LSAMP: variants seen among roughly 807,000 people sequenced by gnomAD.
LSAMP encodes the protein limbic system-associated membrane protein.
LSAMP carries 7 observed loss-of-function variants against 38.6 expected under a neutral mutation model. That is an observed-to-expected ratio of 0.18 (90% CI 0.10 to 0.34). The LOEUF is 0.34. Ranked by LOEUF, LSAMP falls within the 10% of genes least tolerant of loss-of-function variation. LSAMP has a pLI of 1.00. For missense variants in LSAMP, 313 were observed against 420.0 expected (o/e 0.75, Z 2.23); for synonymous variants, 154 against 166.8 (o/e 0.92, Z 0.59).
At chr3:116,014,481 T>A (rs974104601) in intron 3 of LSAMP, among the ~76,000 whole-genome samples, 21 of 151,998 alleles carry the variant, frequency 1.4e-4, no homozygotes, top group African/African-American at 5.1e-4. Flanking sequence ...AAATAAAAAA[T>A]AAAAATATTG....
intron 6 of LSAMP, among the ~76,000 whole-genome samples, chr3:115,820,941 G>C (rs1934209243): frequency 6.6e-6 from 1 of 152,122 alleles, no homozygotes; most frequent in Non-Finnish European, 1.5e-5. Context: ...CCAAATCCTG[G>C]CAGGTAGAAC....
chr3:116,321,327 C>T (rs1473039733), intron 1 of LSAMP, among the ~76,000 whole-genome samples: 1 of 152,070 alleles, frequency 6.6e-6, no homozygotes, highest in East Asian at 1.9e-4. Flanking sequence ...AAGTCATGAT[C>T]TTACCACTGC....
Position 116,404,006 on chromosome 3 carries a change from C to T in LSAMP, c.155+40871G>A, listed in dbSNP as rs184953667. On this transcript the variant is annotated intron_variant, in intron 1 of 6. Transcript: ENST00000490035. ...CTCAAACTCCTTACCTCAAGCAATC[C>T]TCCAGCCTTGGCCTCCCAAAGTCAG... 8.5e-5 allele frequency among the ~76,000 whole-genome samples: 13 copies of T among 152,088 alleles called. No individual in the cohort carries two copies. The East Asian group carries it at 2.5e-3, about 29-fold the overall frequency.
chr3:115,806,410 TA>T lies in LSAMP; in HGVS notation c.*3906del, dbSNP rs1405406241. ...TGAAAAATTCAGGGAGAATAGCCAA[TA>T]GAAACAGTGAAACCACAACCAACTC... On this transcript the variant is annotated 3_prime_UTR_variant, in exon 7 of 7. Coordinates refer to ENST00000490035, the MANE Select transcript of LSAMP (RefSeq NM_002338.5). 6.6e-6 allele frequency: 1 copy of T among 152,084 alleles called. No homozygotes were observed. The highest frequency in any genetic ancestry group is 1.5e-5 in the Non-Finnish European group (1 of 68,008). 9.4% of individuals were successfully genotyped at this position (152,084 alleles called of 1,614,324 possible).
chr3:116,410,686 G>A (rs1007574708), intron 1 of LSAMP, among the ~76,000 whole-genome samples: 1 of 151,992 alleles, frequency 6.6e-6, no homozygotes, highest in East Asian at 1.9e-4. Flanking sequence ...ATGCTTCCTA[G>A]AATTCTTTTC....
At chr3:115,888,743 C>T (rs2107452544) in intron 3 of LSAMP, among the ~76,000 whole-genome samples, 1 of 151,916 alleles carries the variant, frequency 6.6e-6, no homozygotes, top group South Asian at 2.1e-4. Context: ...TCTATTTTTT[C>T]TTCTTAGTTC....
intron 1 of LSAMP, among the ~76,000 whole-genome samples, chr3:116,312,903 T>C (rs1177252432): frequency 1.3e-5 from 2 of 152,164 alleles, no homozygotes; most frequent in Non-Finnish European, 2.9e-5. Flanking sequence ...ACTCACAAAA[T>C]GCATGCATTC....
chr3:115,860,909 G>A (rs933727700), intron 3 of LSAMP, among the ~76,000 whole-genome samples: 1 of 152,200 alleles, frequency 6.6e-6, no homozygotes, highest in Admixed American at 6.5e-5. Flanking sequence ...GACATGCACT[G>A]GGATGTGACG....
intron 1 of LSAMP, among the ~76,000 whole-genome samples, chr3:116,225,650 G>T (rs552106827): frequency 6.6e-6 from 1 of 152,142 alleles, no homozygotes; most frequent in South Asian, 2.1e-4. Context: ...TAAATATAAT[G>T]TCTTTAATTG....
At chr3:115,940,960 C>T (rs1015616584) in intron 3 of LSAMP, among the ~76,000 whole-genome samples, 4 of 151,856 alleles carry the variant, frequency 2.6e-5, no homozygotes, top group African/African-American at 9.7e-5. Context: ...AAGCTTTTGT[C>T]CATAAAAGGG....
At chr3:116,182,731 T>G (rs144391317) in intron 1 of LSAMP, among the ~76,000 whole-genome samples, 126 of 152,006 alleles carry the variant, frequency 8.3e-4, no homozygotes, top group African/African-American at 2.9e-3. Context: ...GATGTCTGAT[T>G]CCCATAACAG....
intron 3 of LSAMP, among the ~76,000 whole-genome samples, chr3:115,900,745 A>T (rs1385083543): frequency 6.6e-6 from 1 of 152,098 alleles, no homozygotes; most frequent in Non-Finnish European, 1.5e-5. Context: ...AGAAATGTTG[A>T]CAGTGAAAGA....
intron 6 of LSAMP, among the ~76,000 whole-genome samples, chr3:115,812,963 C>T (rs1933885997): frequency 6.6e-6 from 1 of 151,968 alleles, no homozygotes; most frequent in Non-Finnish European, 1.5e-5. Context: ...TAAACATGTT[C>T]ACATATAACA....
At chr3:116,108,831 G>T (rs1326682537) in intron 1 of LSAMP, among the ~76,000 whole-genome samples, 1 of 152,180 alleles carries the variant, frequency 6.6e-6, no homozygotes, top group Non-Finnish European at 1.5e-5. Context: ...TGCGGTTCAG[G>T]CATTTGGAAG....
intron 1 of LSAMP, among the ~76,000 whole-genome samples, chr3:116,269,588 C>T (rs1221066021): frequency 6.6e-6 from 1 of 151,778 alleles, no homozygotes; most frequent in African/African-American, 2.4e-5. Flanking sequence ...TAACATTGGG[C>T]TTATTTCATT....
chr3:115,972,039 G>A (rs1939037141), intron 3 of LSAMP, among the ~76,000 whole-genome samples: 1 of 151,932 alleles, frequency 6.6e-6, no homozygotes, highest in African/African-American at 2.4e-5. Context: ...ATTTCATTAG[G>A]TTTAGCACAC....
At chr3:115,980,840 A>C (rs936539666) in intron 3 of LSAMP, among the ~76,000 whole-genome samples, 7 of 152,136 alleles carry the variant, frequency 4.6e-5, no homozygotes, top group Non-Finnish European at 7.4e-5. Context: ...TCTCTGTTGC[A>C]TGAAGTAGCC....
chr3:116,254,256 A>G lies in LSAMP; in HGVS notation c.156-167700T>C, dbSNP rs1197126181. On this transcript the variant is annotated intron_variant, in intron 1 of 6. Transcript: ENST00000490035. ...TAGTCTGTCCACAAATTAGAGCTGC[A>G]TTTAATAGTCCATGTATTGATTCAT... is the stretch of plus-strand genomic sequence containing the variant. Among the ~76,000 whole-genome samples the G allele has an allele frequency of 2.6e-5, 4 of 152,312 alleles. No individual in the cohort carries two copies. The East Asian group carries it at 7.7e-4, about 29-fold the overall frequency.
intron 1 of LSAMP, among the ~76,000 whole-genome samples, chr3:116,347,375 C>T (rs554672145): frequency 3.3e-5 from 5 of 152,190 alleles, no homozygotes; most frequent in Admixed American, 6.5e-5. Context: ...TTGGCTCTCA[C>T]CAGACTTACA....
Sources: allele counts gnomAD v4.1 joint callset (sites outside exome capture counted in the v4.1 genomes callset), GRCh38; gene constraint gnomAD v4.1.1; transcripts MANE v1.5; gene names NCBI Gene and HGNC (gene_info 2026-07-23, HGNC 2026-07-21).